The following CENPF variants were observed in gnomAD, a reference collection of about 807,000 sequenced individuals.
CENPF encodes centromere protein F.
In CENPF, 214 loss-of-function variants were observed where a neutral mutation model predicts 307.3. The ratio of observed to expected loss-of-function variants is 0.70; its 90% CI spans 0.62 to 0.78. The LOEUF (loss-of-function observed/expected upper bound fraction) is 0.78. Among genes scored for constraint, CENPF ranks in the 30% least tolerant of loss-of-function variants. The pLI, the probability that CENPF is intolerant of heterozygous loss-of-function variation, is 0.00. For synonymous variants in CENPF, 1,259 were observed against 1,270.6 expected, an observed-to-expected ratio of 0.99 and a Z score of 0.19; for missense variants, 3,401 against 3,483.9, an observed-to-expected ratio of 0.98 and a Z score of 0.60.
At chr1:214,616,440 T>C (rs1657339450) in intron 3 of CENPF, among the ~76,000 whole-genome samples, 1 of 152,178 alleles carries the variant, frequency 6.6e-6, no homozygotes, top group Non-Finnish European at 1.5e-5. Flanking sequence ...AAGTGGCAAT[T>C]ATGATGTACT....
chr1:214,651,908 C>G (rs1347054183), intron 15 of CENPF, 22 bp downstream of exon 15: 1 of 1,569,852 alleles, frequency 6.4e-7, no homozygotes, highest in African/African-American at 1.4e-5. Flanking sequence ...GGTTTGGTTA[C>G]TGGGGGAGCT....
At chr1:214,613,083 C>G in intron 1 of CENPF, 1 of 322,150 alleles carries the variant, frequency 3.1e-6, no homozygotes, top group Non-Finnish European at 5.9e-6. Flanking sequence ...TTTGCTAGCA[C>G]TGATATGGCT....
At position 214,617,294 on chromosome 1, in the gene CENPF, C is replaced by T. The variant is rs977227273; in HGVS notation, c.360-1279C>T. On this transcript the variant is annotated intron_variant, in intron 3 of 19. Coordinates refer to ENST00000366955, the MANE Select transcript of CENPF (RefSeq NM_016343.4). ...AACTCCTGACCTCAGGTTATCTGCC[C>T]GCCTTGGTCTCCCAAAGTGCTGGGA... Among the ~76,000 whole-genome samples, 4 of 152,070 alleles carry T rather than the reference C, an allele frequency of 2.6e-5. No homozygotes were observed. In the South Asian group the frequency reaches 6.2e-4, roughly 24 times the overall value.
intron 16 of CENPF, 104 bp from the exon 17 acceptor site, chr1:214,655,137 A>G (rs1658595199): frequency 1.3e-5 from 9 of 701,222 alleles, no homozygotes; most frequent in Non-Finnish European, 1.9e-5. Context: ...GAATCTAATA[A>G]TTCTTAAATT....
chr1:214,611,024 G>A (rs1322458268), intron 1 of CENPF, among the ~76,000 whole-genome samples: 4 of 152,082 alleles, frequency 2.6e-5, no homozygotes, highest in Non-Finnish European at 5.9e-5. Context: ...TCTCTATTAT[G>A]TTCCATTGGT....
rs1658087613 is a variant in CENPF at position 214,640,730 on chromosome 1, G to GC, written c.2393dup (p.Asn799LysfsTer15). On this transcript the variant is annotated frameshift_variant, in exon 12 of 20. Coordinates refer to ENST00000366955, the MANE Select transcript of CENPF (RefSeq NM_016343.4). LOFTEE classifies it high-confidence loss of function. ...GCAGCCTGCCATGCATCATTCCTTT[G>GC]CAAATATAATTGGAGAACAAGGAAG... is the stretch of plus-strand genomic sequence containing the variant. 2 of 1,613,978 alleles carry GC rather than the reference G, an allele frequency of 1.2e-6. No homozygotes were observed. Among genetic ancestry groups the GC allele is most frequent in the Admixed American group, 1.7e-5 (1 of 59,982 alleles).
intron 7 of CENPF, among the ~76,000 whole-genome samples, chr1:214,625,289 A>C (rs1047587970): frequency 6.6e-6 from 1 of 151,998 alleles, no homozygotes; most frequent in Non-Finnish European, 1.5e-5. Context: ...ATCTCAGCTC[A>C]CTGCAATCTC....
chr1:214,649,537 A>C, intron 14 of CENPF, among the ~76,000 whole-genome samples: 1 of 152,234 alleles, frequency 6.6e-6, no homozygotes, highest in East Asian at 1.9e-4. Flanking sequence ...TGCGACCCTG[A>C]ATAATCACAG....
At chr1:214,637,319 AT>A (rs930189615) in intron 10 of CENPF, among the ~76,000 whole-genome samples, 5 of 152,298 alleles carry the variant, frequency 3.3e-5, no homozygotes, top group Admixed American at 2.0e-4. Context: ...TTATATTTGC[AT>A]TTTTTGTAAT....
At chr1:214,604,392 A>T (rs1328935216) in intron 1 of CENPF, among the ~76,000 whole-genome samples, 1 of 152,032 alleles carries the variant, frequency 6.6e-6, no homozygotes, top group Non-Finnish European at 1.5e-5. Flanking sequence ...TTCTGGGTTT[A>T]TTTTTTTGTT....
chr1:214,616,010 A>G (rs1011507825), intron 3 of CENPF, among the ~76,000 whole-genome samples: 1 of 152,142 alleles, frequency 6.6e-6, no homozygotes, highest in African/African-American at 2.4e-5. Context: ...GCATTGCAGA[A>G]ACTTATTTTT....
intron 14 of CENPF, among the ~76,000 whole-genome samples, chr1:214,650,735 C>G (rs1658439410): frequency 6.7e-6 from 1 of 149,918 alleles, no homozygotes; most frequent in African/African-American, 2.5e-5. Context: ...AACTCTGTTT[C>G]TACAAAAAAA....
At chr1:214,639,871 G>A in intron 11 of CENPF, 50 bp from the exon 12 acceptor site, 1 of 1,370,040 alleles carries the variant, frequency 7.3e-7, no homozygotes, top group Non-Finnish European at 9.7e-7. Context: ...CGTTTCTGTA[G>A]AATAAACATT....
chr1:214,648,533 G>T (rs1481585026), intron 13 of CENPF, 142 bp from the exon 14 acceptor site: 4 of 862,966 alleles, frequency 4.6e-6, no homozygotes, highest in Non-Finnish European at 7.8e-6. Context: ...TGAGTTGAGT[G>T]GATTAGTAAA....
chr1:214,646,486 C>G lies in CENPF; in HGVS notation c.6916C>G (p.Leu2306Val). 6.2e-7 allele frequency: 1 copy of G among 1,614,120 alleles called. No individual in the cohort carries two copies. The change falls in exon 13 of 20, where the codon CTG becomes GTG. Residue 2306 changes from leucine to valine, a missense_variant. Physicochemically the swap from Leu to Val is conservative, Grantham distance 32. Coordinates refer to ENST00000366955, the MANE Select transcript of CENPF (RefSeq NM_016343.4). ...EHQLRNSIEK[L>V]RARLEADEKK... ...TCAGCTGAGAAATAGCATTGAAAAG[C>G]TGAGAGCCCGCCTAGAAGCTGATGA...
At chr1:214,608,736 A>G (rs1241171819) in intron 1 of CENPF, 2 of 1,597,972 alleles carry the variant, frequency 1.3e-6, no homozygotes, top group Admixed American at 3.4e-5. Context: ...TCACCAAGGA[A>G]TAGGTGGCCT....
At chr1:214,607,679 C>T (rs1395338580) in intron 1 of CENPF, among the ~76,000 whole-genome samples, 1 of 152,192 alleles carries the variant, frequency 6.6e-6, no homozygotes, top group East Asian at 1.9e-4. Context: ...CAGAGGCCCA[C>T]CCGGGTCTCC....
Position 214,613,854 on chromosome 1 carries a change from A to G in CENPF, c.100A>G (p.Lys34Glu). The G allele has an allele frequency of 6.2e-7, 1 of 1,613,990 alleles. No individual in the cohort carries two copies. The highest frequency in any genetic ancestry group is 8.5e-7 in the Non-Finnish European group (1 of 1,179,942). ...EGQLDKLKKEKQQRQFQLDSL... is the reference protein window; with the variant it reads ...EGQLDKLKKEEQQRQFQLDSL... Reference sequence around the variant, plus strand: ...ACAGCTTGACAAACTGAAGAAGGAAAAGCAGCAAAGGCAGTTTCAGCTTGA... The same window carrying G: ...ACAGCTTGACAAACTGAAGAAGGAAGAGCAGCAAAGGCAGTTTCAGCTTGA... The change falls in exon 2 of 20, where the codon AAG becomes GAG. Residue 34 changes from lysine (K) to glutamate (E), a missense_variant. Coordinates refer to ENST00000366955, the MANE Select transcript of CENPF (RefSeq NM_016343.4).
intron 19 of CENPF, among the ~76,000 whole-genome samples, chr1:214,660,876 A>G (rs750290275): frequency 1.3e-5 from 2 of 152,238 alleles, no homozygotes; most frequent in East Asian, 1.9e-4. Flanking sequence ...GTTTATGTCT[A>G]TGCAGTGTCT....
Sources: allele counts gnomAD v4.1 joint callset (sites outside exome capture counted in the v4.1 genomes callset), GRCh38; gene constraint gnomAD v4.1.1; transcripts MANE v1.5; gene names NCBI Gene and HGNC (gene_info 2026-07-23, HGNC 2026-07-21).